FYN: variants seen among roughly 807,000 people sequenced by gnomAD.
FYN encodes tyrosine-protein kinase Fyn.
Under a neutral mutation model 70.2 loss-of-function variants are expected in FYN, and 10 were observed. That is an observed-to-expected ratio of 0.14 (90% CI 0.09 to 0.24). The LOEUF is 0.24. FYN is among the 10% of genes least tolerant of loss of function. The pLI is 1.00. For synonymous variants in FYN, 236 were observed against 248.6 expected (o/e 0.95, Z 0.48); for missense variants, 319 against 673.1 (o/e 0.47, Z 5.82).
At chr6:111,789,555 T>A (rs1771532309) in intron 2 of FYN, among the ~76,000 whole-genome samples, 1 of 152,198 alleles carries the variant, frequency 6.6e-6, no homozygotes. Flanking sequence ...AATAATCAGT[T>A]GACTATCTGG....
At chr6:111,684,678 C>T (rs1583303342) in intron 12 of FYN, among the ~76,000 whole-genome samples, 1 of 152,284 alleles carries the variant, frequency 6.6e-6, no homozygotes, top group South Asian at 2.1e-4. Flanking sequence ...CCATCACCCT[C>T]CTTGCAACGG....
chr6:111,729,215 T>C (rs1042196135), intron 3 of FYN, among the ~76,000 whole-genome samples: 1 of 152,176 alleles, frequency 6.6e-6, no homozygotes, highest in Non-Finnish European at 1.5e-5. Flanking sequence ...GGTTCACACC[T>C]GTAATTCCAG....
At chr6:111,727,196 G>A (rs1298638596) in intron 3 of FYN, among the ~76,000 whole-genome samples, 1 of 152,118 alleles carries the variant, frequency 6.6e-6, no homozygotes, top group African/African-American at 2.4e-5. Flanking sequence ...GACCATACTA[G>A]GTGCAGTGAG....
intron 2 of FYN, among the ~76,000 whole-genome samples, chr6:111,819,181 T>C (rs1772582166): frequency 6.6e-6 from 1 of 152,170 alleles, no homozygotes; most frequent in South Asian, 2.1e-4. Context: ...TTCTCTTCTC[T>C]CCCCTTAATC....
intron 3 of FYN, 127 bp from the exon 4 acceptor site, chr6:111,720,189 G>A: frequency 1.8e-6 from 2 of 1,083,102 alleles, no homozygotes; most frequent in East Asian, 2.6e-5. Context: ...GGGGGCATGA[G>A]GAAAGGCAGT....
intron 2 of FYN, chr6:111,781,170 T>G (rs577852558): frequency 6.6e-6 from 1 of 152,308 alleles, no homozygotes; most frequent in African/African-American, 2.4e-5. Context: ...TAGAAGGGCT[T>G]ATAACAGCCT....
chr6:111,818,576 C>T (rs1363645581), intron 2 of FYN: 1 of 152,260 alleles, frequency 6.6e-6, no homozygotes, highest in Non-Finnish European at 1.5e-5. Context: ...CGCCCACAGC[C>T]CATCCCAGGG....
chr6:111,735,878 C>T (rs766083442), intron 3 of FYN, among the ~76,000 whole-genome samples: 6 of 152,214 alleles, frequency 3.9e-5, no homozygotes, highest in Non-Finnish European at 7.3e-5. Context: ...TAAATGGCTG[C>T]AGAGGTGATC....
chr6:111,696,262 G>C lies in FYN; in HGVS notation c.1042+15C>G. 6.3e-7 allele frequency: 1 copy of C among 1,593,584 alleles called. No homozygotes were observed. The highest frequency in any genetic ancestry group is 2.3e-5 in the East Asian group (1 of 43,936). ...AAGGCACTGTGAGCTGGAGACAGGA[G>C]AGGTGTTGCCCAACCTTTGTTCATA... On this transcript the variant is annotated intron_variant, in intron 10 of 13. Coordinates refer to ENST00000354650, the MANE Select transcript of FYN (RefSeq NM_002037.5).
At chr6:111,715,195 T>C (rs185500543) in intron 4 of FYN, among the ~76,000 whole-genome samples, 1 of 152,222 alleles carries the variant, frequency 6.6e-6, no homozygotes, top group East Asian at 1.9e-4. Flanking sequence ...CAGCAGAGAA[T>C]ATCCAGTGTC....
intron 1 of FYN, among the ~76,000 whole-genome samples, chr6:111,861,242 G>C (rs1006729365): frequency 1.3e-5 from 2 of 152,176 alleles, no homozygotes; most frequent in Non-Finnish European, 2.9e-5. Context: ...ATTAAACAAG[G>C]TTCACTCTCA....
intron 10 of FYN, among the ~76,000 whole-genome samples, chr6:111,695,174 C>G (rs139475465): frequency 7.2e-5 from 11 of 152,142 alleles, no homozygotes; most frequent in Admixed American, 5.9e-4. Context: ...CATCCCAGAT[C>G]GAGTAAATCA....
intron 9 of FYN, chr6:111,699,408 C>T: frequency 8.4e-7 from 1 of 1,191,560 alleles, no homozygotes. Flanking sequence ...TCTAGTTATC[C>T]AGGTTAAGTG....
intron 2 of FYN, among the ~76,000 whole-genome samples, chr6:111,845,865 G>A (rs998506139): frequency 4.6e-5 from 7 of 152,148 alleles, no homozygotes; most frequent in African/African-American, 1.7e-4. Flanking sequence ...AGACGTACAG[G>A]CAGAGAAGGC....
intron 2 of FYN, among the ~76,000 whole-genome samples, chr6:111,814,911 G>A (rs559728690): frequency 6.6e-6 from 1 of 152,190 alleles, no homozygotes; most frequent in Admixed American, 6.5e-5. Flanking sequence ...TAAAAAAATT[G>A]TAAAATGTAA....
At chr6:111,834,377 T>C (rs1228665147) in intron 2 of FYN, among the ~76,000 whole-genome samples, 3 of 152,150 alleles carry the variant, frequency 2.0e-5, no homozygotes, top group African/African-American at 7.2e-5. Flanking sequence ...AAAATTCTTA[T>C]GTTACCCTGA....
chr6:111,815,186 C>A (rs540737316), intron 2 of FYN, among the ~76,000 whole-genome samples: 1 of 152,282 alleles, frequency 6.6e-6, no homozygotes, highest in Admixed American at 6.5e-5. Flanking sequence ...TCAGGCAGTT[C>A]ATATTCGGTC....
chr6:111,696,229 A>G (rs1459330556), intron 10 of FYN, 48 bp downstream of exon 10: 1 of 1,458,308 alleles, frequency 6.9e-7, no homozygotes, highest in Non-Finnish European at 9.2e-7. Flanking sequence ...TCCCCTAAAC[A>G]ACCCCTTAAG....
intron 13 of FYN, among the ~76,000 whole-genome samples, chr6:111,662,307 G>A (rs1207566422): frequency 1.3e-5 from 2 of 152,262 alleles, no homozygotes; most frequent in South Asian, 2.1e-4. Flanking sequence ...AGGGGCCAGA[G>A]GGAACTCCAA....
Sources: allele counts gnomAD v4.1 joint callset (sites outside exome capture counted in the v4.1 genomes callset), GRCh38; gene constraint gnomAD v4.1.1; transcripts MANE v1.5; gene names NCBI Gene and HGNC (gene_info 2026-07-23, HGNC 2026-07-21).